DTD1: variants seen among roughly 807,000 people sequenced by gnomAD.
The protein encoded by DTD1 is D-aminoacyl-tRNA deacylase 1.
Under a neutral mutation model 25.6 loss-of-function variants are expected in DTD1, and 13 were observed. That is an observed-to-expected ratio of 0.51 (90% CI 0.33 to 0.81). The LOEUF (loss-of-function observed/expected upper bound fraction) is 0.81, where lower values mean the gene tolerates loss of function less well. Among genes scored for constraint, DTD1 ranks in the 30% least tolerant of loss-of-function variants. The pLI is 0.02. For synonymous variants in DTD1, 110 were observed against 103.6 expected (o/e 1.06, Z -0.37); for missense variants, 193 against 266.4 (o/e 0.72, Z 1.92).
chr20:18,704,793 G>A lies in DTD1; in HGVS notation c.478-39307G>A, dbSNP rs552122774. On this transcript the variant is annotated intron_variant, in intron 4 of 5. Transcript: ENST00000377452. ...AGCTCCGAATGTCAGTAGTGCTGAG[G>A]TTGAGAAACACCACTGCAGAGGAAG... Among the ~76,000 whole-genome samples, 11 of 152,236 alleles carry A rather than the reference G, an allele frequency of 7.2e-5. No individual in the cohort carries two copies. The South Asian group carries it at 2.3e-3, about 32-fold the overall frequency.
chr20:18,597,666 G>A (rs2060617245), intron 3 of DTD1, among the ~76,000 whole-genome samples: 1 of 152,110 alleles, frequency 6.6e-6, no homozygotes, highest in African/African-American at 2.4e-5. Context: ...TTAGCATAAT[G>A]TTTTCAAGGT....
In DTD1 at chr20:18,623,204, G is replaced by T. The variant is rs2060743313; in HGVS notation, c.371-4923G>T. On this transcript the variant is annotated intron_variant, in intron 3 of 5. Transcript: ENST00000377452. ...TCCGCCCGCCTCAGCCTCTCAAAGTGCTGGGATTACAGGTGTGAACCACTG... is the reference window on the plus strand; with the variant it reads ...TCCGCCCGCCTCAGCCTCTCAAAGTTCTGGGATTACAGGTGTGAACCACTG... 2.0e-5 allele frequency among the ~76,000 whole-genome samples: 3 copies of T among 152,044 alleles called. No individual in the cohort carries two copies. The South Asian group carries it at 6.2e-4, about 31-fold the overall frequency.
At chr20:18,667,073 A>T (rs1366681658) in intron 4 of DTD1, among the ~76,000 whole-genome samples, 1 of 152,182 alleles carries the variant, frequency 6.6e-6, no homozygotes, top group African/African-American at 2.4e-5. Flanking sequence ...GACTTCCAGC[A>T]GGTGTGAGAG....
At chr20:18,756,651 C>A (rs2061340599) in intron 5 of DTD1, among the ~76,000 whole-genome samples, 2 of 151,972 alleles carry the variant, frequency 1.3e-5, no homozygotes, top group Non-Finnish European at 2.9e-5. Flanking sequence ...GTACCAGTAC[C>A]ATGCTGTTTT....
intron 1 of DTD1, chr20:18,588,675 C>T (rs942913709): frequency 4.1e-5 from 40 of 965,092 alleles, no homozygotes; most frequent in Non-Finnish European, 4.8e-5. Flanking sequence ...GGATGAGGGG[C>T]GCCCCCTGCC....
chr20:18,700,745 C>T (rs536077257), intron 4 of DTD1, among the ~76,000 whole-genome samples: 43 of 151,944 alleles, frequency 2.8e-4, no homozygotes, highest in Non-Finnish European at 5.7e-4. Context: ...GACTGAGATT[C>T]GATTGGAGGG....
intron 1 of DTD1, chr20:18,588,632 G>A: frequency 1.7e-6 from 1 of 594,660 alleles, no homozygotes; most frequent in South Asian, 7.4e-5. Context: ...AGCTTTGACA[G>A]TTGCGTGCAC....
intron 4 of DTD1, among the ~76,000 whole-genome samples, chr20:18,654,033 T>G (rs2060883254): frequency 6.6e-6 from 1 of 152,222 alleles, no homozygotes; most frequent in South Asian, 2.1e-4. Flanking sequence ...TGACTGAACT[T>G]CGTTAAATAT....
intron 5 of DTD1, among the ~76,000 whole-genome samples, chr20:18,759,569 C>G (rs921914204): frequency 2.6e-5 from 4 of 152,206 alleles, no homozygotes; most frequent in African/African-American, 9.7e-5. Context: ...GGCCCCCACT[C>G]TCTTCTAGCT....
chr20:18,701,231 A>G (rs58608111), intron 4 of DTD1, among the ~76,000 whole-genome samples: 2,079 of 152,318 alleles, frequency 0.014, 32 homozygotes, highest in African/African-American at 0.02. Context: ...CCACAGAGAC[A>G]CAGGTAGCTG....
intron 4 of DTD1, among the ~76,000 whole-genome samples, chr20:18,684,895 T>G (rs983802166): frequency 2.6e-5 from 4 of 151,586 alleles, no homozygotes; most frequent in Admixed American, 2.6e-4. Context: ...TAAGGCACAG[T>G]TTTGTTTTTT....
At chr20:18,691,654 T>C (rs2061047966) in intron 4 of DTD1, among the ~76,000 whole-genome samples, 1 of 152,146 alleles carries the variant, frequency 6.6e-6, no homozygotes, top group East Asian at 1.9e-4. Flanking sequence ...AAACTACCTA[T>C]TGGGTACTAT....
chr20:18,668,792 T>C (rs1347802828), intron 4 of DTD1, among the ~76,000 whole-genome samples: 1 of 152,250 alleles, frequency 6.6e-6, no homozygotes, highest in Non-Finnish European at 1.5e-5. Flanking sequence ...ATAGCTTAAC[T>C]TGCCCTTTTC....
intron 5 of DTD1, among the ~76,000 whole-genome samples, chr20:18,761,233 C>T (rs2061361511): frequency 6.6e-6 from 1 of 152,112 alleles, no homozygotes; most frequent in Admixed American, 6.5e-5. Flanking sequence ...TACTGTCCTG[C>T]ATCCACTGTC....
chr20:18,683,794 A>C (rs1210241791), intron 4 of DTD1, among the ~76,000 whole-genome samples: 3 of 152,214 alleles, frequency 2.0e-5, no homozygotes, highest in Admixed American at 1.3e-4. Flanking sequence ...CCAGAATTCG[A>C]GCAAGCTGAC....
chr20:18,596,833 C>T (rs1029462050), intron 3 of DTD1, among the ~76,000 whole-genome samples: 3 of 151,526 alleles, frequency 2.0e-5, no homozygotes, highest in African/African-American at 4.8e-5. Context: ...TCTCTGCCCC[C>T]GCATGCATAG....
At chr20:18,730,459 G>A (rs1349682293) in intron 4 of DTD1, among the ~76,000 whole-genome samples, 1 of 152,150 alleles carries the variant, frequency 6.6e-6, no homozygotes, top group Non-Finnish European at 1.5e-5. Flanking sequence ...CCCTTGCAAA[G>A]GCTGAGTATT....
At chr20:18,680,875 G>C (rs1251610693) in intron 4 of DTD1, among the ~76,000 whole-genome samples, 2 of 152,106 alleles carry the variant, frequency 1.3e-5, no homozygotes, top group Non-Finnish European at 1.5e-5. Flanking sequence ...GAATGAGTGA[G>C]TTTATCTGTA....
chr20:18,612,074 G>T (rs2060689220), intron 3 of DTD1, among the ~76,000 whole-genome samples: 1 of 125,554 alleles, frequency 8.0e-6, no homozygotes, highest in Non-Finnish European at 1.6e-5. Context: ...TAGCTCTGTC[G>T]CCCAGGCTGG....
Sources: gnomAD v4.1 joint callset for allele counts (sites outside exome capture counted in the v4.1 genomes callset) on GRCh38, gnomAD v4.1.1 for gene constraint, MANE v1.5 for transcripts, NCBI Gene and HGNC (gene_info 2026-07-23, HGNC 2026-07-21) for gene names.